Variants in RBMS3 observed in about 807,000 individuals in gnomAD.
The protein encoded by RBMS3 is RNA binding motif single stranded interacting protein 3.
A neutral mutation model predicts 66.8 loss-of-function variants in RBMS3; 27 were observed. The observed-to-expected ratio is 0.40, with a 90% CI of 0.30 to 0.56. The LOEUF (loss-of-function observed/expected upper bound fraction) is 0.56, where lower values mean the gene tolerates loss of function less well. RBMS3 is among the 20% of genes least tolerant of loss of function. RBMS3 has a pLI of 0.40. For missense variants in RBMS3, 513 were observed against 549.5 expected (o/e 0.93, Z 0.66); for synonymous variants, 188 against 183.0 (o/e 1.03, Z -0.22).
chr3:29,968,049 T>C (rs1281815203), intron 12 of RBMS3, among the ~76,000 whole-genome samples: 1 of 152,182 alleles, frequency 6.6e-6, no homozygotes, highest in African/African-American at 2.4e-5. Flanking sequence ...TTCTGTAAAG[T>C]GTGACCATAG....
chr3:29,712,303 A>G (rs76135403), intron 4 of RBMS3, among the ~76,000 whole-genome samples: 1 of 151,598 alleles, frequency 6.6e-6, no homozygotes, highest in Non-Finnish European at 1.5e-5. Context: ...TATTTTTGTT[A>G]ATTTTTATTT....
At chr3:29,587,814 A>C (rs904336749) in intron 4 of RBMS3, among the ~76,000 whole-genome samples, 6 of 151,988 alleles carry the variant, frequency 3.9e-5, no homozygotes, top group African/African-American at 1.4e-4. Flanking sequence ...TTAGGTATTA[A>C]TAATTTTCAA....
chr3:29,639,613 G>GAGAGAGAA (rs1272064397), intron 4 of RBMS3, among the ~76,000 whole-genome samples: 2 of 151,664 alleles, frequency 1.3e-5, no homozygotes, highest in Non-Finnish European at 2.9e-5. Context: ...GAGAGAGAGA[G>GAGAGAGAA]AGAGAGAGAG....
At chr3:29,999,515 A>C (rs1234323062) in intron 14 of RBMS3, among the ~76,000 whole-genome samples, 3 of 151,968 alleles carry the variant, frequency 2.0e-5, no homozygotes, top group Non-Finnish European at 4.4e-5. Context: ...AACCAACCTA[A>C]ATGTCCAAAT....
chr3:29,830,217 G>T (rs1379716621), intron 6 of RBMS3, among the ~76,000 whole-genome samples: 1 of 151,966 alleles, frequency 6.6e-6, no homozygotes, highest in Non-Finnish European at 1.5e-5. Flanking sequence ...AGTTGAAAAG[G>T]AATGTTTTCC....
intron 4 of RBMS3, among the ~76,000 whole-genome samples, chr3:29,624,105 A>G (rs1049822072): frequency 6.6e-6 from 1 of 152,228 alleles, no homozygotes; most frequent in African/African-American, 2.4e-5. Flanking sequence ...AAGACTTCCA[A>G]CGTATACCTC....
At chr3:29,761,282 C>T (rs997095872) in intron 5 of RBMS3, among the ~76,000 whole-genome samples, 1 of 152,118 alleles carries the variant, frequency 6.6e-6, no homozygotes, top group African/African-American at 2.4e-5. Flanking sequence ...TAAGAATGTA[C>T]ATCTGAAAAC....
chr3:29,709,332 C>A (rs775095701), intron 4 of RBMS3, among the ~76,000 whole-genome samples: 1 of 152,144 alleles, frequency 6.6e-6, no homozygotes, highest in African/African-American at 2.4e-5. Context: ...AGCAACTTCA[C>A]GGCTGACATT....
At chr3:29,689,100 A>T (rs371108830) in intron 4 of RBMS3, among the ~76,000 whole-genome samples, 1 of 151,696 alleles carries the variant, frequency 6.6e-6, no homozygotes, top group South Asian at 2.1e-4. Flanking sequence ...CCTATATAGA[A>T]ATAGATATAG....
intron 5 of RBMS3, among the ~76,000 whole-genome samples, chr3:29,740,720 T>C (rs374267237): frequency 2.0e-5 from 3 of 152,280 alleles, no homozygotes; most frequent in African/African-American, 4.8e-5. Context: ...TTAAGTGTTA[T>C]GTGGAAGTCA....
intron 4 of RBMS3, among the ~76,000 whole-genome samples, chr3:29,669,256 C>T (rs535239581): frequency 6.6e-6 from 1 of 152,190 alleles, no homozygotes; most frequent in Non-Finnish European, 1.5e-5. Context: ...GGCTTTACCT[C>T]ACCTACTTCA....
chr3:29,315,286 T>C (rs1276304130), intron 1 of RBMS3, among the ~76,000 whole-genome samples: 1 of 151,750 alleles, frequency 6.6e-6, no homozygotes, highest in Admixed American at 6.6e-5. Context: ...AATAATATTC[T>C]AGTTGAAAAA....
chr3:29,581,524 A>G (rs1477376634), intron 3 of RBMS3, among the ~76,000 whole-genome samples: 1 of 152,134 alleles, frequency 6.6e-6, no homozygotes, highest in African/African-American at 2.4e-5. Flanking sequence ...GCTAAGCCCA[A>G]ATGGAAGGTG....
intron 3 of RBMS3, among the ~76,000 whole-genome samples, chr3:29,542,849 A>G (rs934313112): frequency 3.9e-5 from 6 of 152,214 alleles, no homozygotes; most frequent in African/African-American, 1.4e-4. Flanking sequence ...GCTTTTTGTA[A>G]AAAGATCAGA....
chr3:29,904,861 T>C (rs1270443467), intron 10 of RBMS3, among the ~76,000 whole-genome samples: 1 of 152,068 alleles, frequency 6.6e-6, no homozygotes. Flanking sequence ...TTCAAGTTGG[T>C]TTGCTTTGCT....
At chr3:29,770,742 A>G (rs1323680540) in intron 6 of RBMS3, among the ~76,000 whole-genome samples, 1 of 152,024 alleles carries the variant, frequency 6.6e-6, no homozygotes, top group African/African-American at 2.4e-5. Flanking sequence ...TGAGTAGCTA[A>G]ACCATTTAGT....
intron 6 of RBMS3, among the ~76,000 whole-genome samples, chr3:29,764,160 A>G (rs2055824469): frequency 6.6e-6 from 1 of 152,038 alleles, no homozygotes; most frequent in Non-Finnish European, 1.5e-5. Flanking sequence ...CCCTTCAGAC[A>G]GACACTTGCA....
At chr3:29,864,529 T>C (rs539043291) in intron 6 of RBMS3, among the ~76,000 whole-genome samples, 2 of 152,252 alleles carry the variant, frequency 1.3e-5, no homozygotes, top group East Asian at 3.9e-4. Flanking sequence ...GTTCTGTATG[T>C]TGACGAAGCC....
intron 3 of RBMS3, among the ~76,000 whole-genome samples, chr3:29,578,555 A>G (rs1385904043): frequency 6.6e-6 from 1 of 152,144 alleles, no homozygotes; most frequent in Non-Finnish European, 1.5e-5. Context: ...ACTGAAGAGC[A>G]TATTCAATCA....
Sources: allele counts gnomAD v4.1 joint callset (sites outside exome capture counted in the v4.1 genomes callset), GRCh38; gene constraint gnomAD v4.1.1; transcripts MANE v1.5; gene names NCBI Gene and HGNC (gene_info 2026-07-23, HGNC 2026-07-21).